Variants in UBE2Q2 observed in about 807,000 individuals in gnomAD.
UBE2Q2 encodes ubiquitin conjugating enzyme E2 Q2, also known as ubiquitin-conjugating enzyme E2 Q2.
A neutral mutation model predicts 59.9 loss-of-function variants in UBE2Q2; 54 were observed. The ratio of observed to expected loss-of-function variants is 0.90; its 90% CI spans 0.72 to 1.13. The LOEUF (loss-of-function observed/expected upper bound fraction) is 1.13. UBE2Q2 is among the 50% of genes most tolerant of loss of function. The probability of loss-of-function intolerance (pLI) is 0.00; values close to 1 mark genes in which losing one functional copy is unlikely to be tolerated. For missense variants in UBE2Q2, 433 were observed against 441.9 expected, an observed-to-expected ratio of 0.98 and a Z score of 0.18; for synonymous variants, 165 against 155.2, an observed-to-expected ratio of 1.06 and a Z score of -0.47.
chr15:75,859,804 A>C (rs1897117034), intron 2 of UBE2Q2, 74 bp from the exon 3 acceptor site: 2 of 1,023,804 alleles, frequency 2.0e-6, no homozygotes, highest in Non-Finnish European at 2.8e-6. Flanking sequence ...GATTGATTAC[A>C]GTAGTCATAA....
intron 1 of UBE2Q2, among the ~76,000 whole-genome samples, chr15:75,850,290 C>T (rs940399350): frequency 5.3e-5 from 8 of 152,168 alleles, no homozygotes; most frequent in Admixed American, 5.2e-4. Context: ...TGTATCTTTC[C>T]AGTTATCTGC....
At chr15:75,878,054 G>C in intron 7 of UBE2Q2, 33 bp downstream of exon 7, 2 of 1,589,440 alleles carry the variant, frequency 1.3e-6, no homozygotes, top group Non-Finnish European at 1.7e-6. Context: ...CCCACTCTTT[G>C]CAATGGTAGA....
chr15:75,894,470 A>G (rs1035827692), intron 11 of UBE2Q2, among the ~76,000 whole-genome samples: 9 of 151,884 alleles, frequency 5.9e-5, no homozygotes, highest in Non-Finnish European at 8.8e-5. Flanking sequence ...TGTAGTCCCA[A>G]CTACTCAGGA....
chr15:75,865,865 A>G (rs1324086527), intron 3 of UBE2Q2, among the ~76,000 whole-genome samples: 1 of 151,630 alleles, frequency 6.6e-6, no homozygotes, highest in African/African-American at 2.4e-5. Flanking sequence ...TGTCCCTTGA[A>G]TACTTGCTGT....
In UBE2Q2 at chr15:75,868,983, A is replaced by G; in HGVS notation, c.420A>G (p.Glu140=). The part of the protein sequence containing the change: ...NGTTEEVTSE[E]EEEEEEMAED... ...CAACAGAAGAAGTGACTTCAGAAGA[A>G]GAGGAAGAAGAAGAAGAGATGGCTG... Residue 140 remains glutamate (E), a synonymous_variant, in exon 4 of 13, where the codon GAA becomes GAG. Coordinates refer to ENST00000267938, the MANE Select transcript of UBE2Q2 (RefSeq NM_173469.4). 1 of 1,612,884 alleles carries G rather than the reference A, an allele frequency of 6.2e-7. No individual in the cohort carries two copies. The highest frequency in any genetic ancestry group is 8.5e-7 in the Non-Finnish European group (1 of 1,179,206).
At chr15:75,887,515 G>C (rs375482664) in intron 9 of UBE2Q2, among the ~76,000 whole-genome samples, 1 of 151,964 alleles carries the variant, frequency 6.6e-6, no homozygotes, top group African/African-American at 2.4e-5. Context: ...TTAGGAAATA[G>C]TGCTGATGTA....
chr15:75,874,807 C>T (rs1324540511), intron 5 of UBE2Q2, among the ~76,000 whole-genome samples: 1 of 152,116 alleles, frequency 6.6e-6, no homozygotes, highest in African/African-American at 2.4e-5. Flanking sequence ...ACACTTACTA[C>T]TTTTTGCCTT....
intron 1 of UBE2Q2, among the ~76,000 whole-genome samples, chr15:75,853,067 A>G (rs1182574677): frequency 6.6e-6 from 1 of 152,202 alleles, no homozygotes; most frequent in Non-Finnish European, 1.5e-5. Context: ...CTTTTCCCCA[A>G]TTTATAATAG....
rs1180775091 is a variant in UBE2Q2, at chr15:75,854,446, T to G, written c.241T>G (p.Ser81Ala). 3 of 1,613,484 alleles carry G rather than the reference T, an allele frequency of 1.9e-6. No individual in the cohort carries two copies. The highest frequency in any genetic ancestry group is 2.7e-5 in the African/African-American group (2 of 74,906). The change falls in exon 2 of 13, where the codon TCA becomes GCA. Residue 81 changes from serine (S) to alanine (A), a missense_variant. By Grantham distance (99) the Ser-to-Ala change is moderately conservative (BLOSUM62 1). Coordinates refer to ENST00000267938, the MANE Select transcript of UBE2Q2 (RefSeq NM_173469.4). ...FVDSEDPNLT[S>A]VLERLEDTKN... ...GGATTCTGAAGACCCAAATCTGACA[T>G]CAGTTCTGGAACGTCTAGAAGATAC...
chr15:75,850,543 A>C (rs375235245), intron 1 of UBE2Q2, among the ~76,000 whole-genome samples: 5 of 152,352 alleles, frequency 3.3e-5, no homozygotes, highest in African/African-American at 4.8e-5. Context: ...CCCACCTGAC[A>C]GCTAATCACT....
chr15:75,883,317 C>A, intron 8 of UBE2Q2, 49 bp from the exon 9 acceptor site: 1 of 1,479,360 alleles, frequency 6.8e-7, no homozygotes, highest in Non-Finnish European at 9.4e-7. Context: ...AATAGTATAA[C>A]ACTAAGGATG....
chr15:75,850,371 T>G (rs1041165697), intron 1 of UBE2Q2, among the ~76,000 whole-genome samples: 1 of 152,216 alleles, frequency 6.6e-6, no homozygotes, highest in African/African-American at 2.4e-5. Flanking sequence ...GTAATCTGCT[T>G]TTTCACTCAA....
At chr15:75,886,483 G>A (rs540030783) in intron 9 of UBE2Q2, among the ~76,000 whole-genome samples, 1 of 152,220 alleles carries the variant, frequency 6.6e-6, no homozygotes, top group South Asian at 2.1e-4. Flanking sequence ...ATTCCCATAA[G>A]CATGGGAAAA....
chr15:75,887,050 T>C (rs1206717193), intron 9 of UBE2Q2, among the ~76,000 whole-genome samples: 1 of 152,160 alleles, frequency 6.6e-6, no homozygotes, highest in East Asian at 1.9e-4. Flanking sequence ...ACGTAGTTTC[T>C]TAATTGATTC....
intron 3 of UBE2Q2, among the ~76,000 whole-genome samples, chr15:75,865,751 A>G (rs1187965188): frequency 1.3e-5 from 2 of 149,328 alleles, no homozygotes; most frequent in Non-Finnish European, 3.0e-5. Context: ...TGCTCCTTGT[A>G]TTATGTGTCC....
At chr15:75,871,757 T>C (rs1262352630) in intron 4 of UBE2Q2, among the ~76,000 whole-genome samples, 1 of 151,918 alleles carries the variant, frequency 6.6e-6, no homozygotes, top group East Asian at 1.9e-4. Context: ...CAAAATGGAG[T>C]CTCCTATGTC....
Position 75,845,026 on chromosome 15 carries a change from C to T in UBE2Q2, c.180+1180C>T, listed in dbSNP as rs77501754. 9.8e-3 allele frequency among the ~76,000 whole-genome samples: 1,492 copies of T among 151,988 alleles called. 23 individuals are homozygous for T. Among genetic ancestry groups the T allele is most frequent in the African/African-American group, 0.032 (1,336 of 41,432 alleles). The stretch of plus-strand genomic sequence containing the variant: ...TAATTCATTTATTGAATGAATACGT[C>T]TGAGTGTTCTGGGCACTAGTGTTGC... On this transcript the variant is annotated intron_variant, in intron 1 of 12. Transcript: ENST00000267938.
chr15:75,856,285 A>G (rs1374979714), intron 2 of UBE2Q2, among the ~76,000 whole-genome samples: 1,749 of 141,670 alleles, frequency 0.012, 41 homozygotes, highest in African/African-American at 0.043. Context: ...ATATATATAT[A>G]TATATATAAT....
chr15:75,894,753 G>A (rs2141676788), intron 11 of UBE2Q2, among the ~76,000 whole-genome samples: 1 of 152,114 alleles, frequency 6.6e-6, no homozygotes, highest in East Asian at 1.9e-4. Flanking sequence ...ATTGAGACTG[G>A]GGAAGGCCAA....
Sources: gnomAD v4.1 joint callset for allele counts (sites outside exome capture counted in the v4.1 genomes callset) on GRCh38, gnomAD v4.1.1 for gene constraint, MANE v1.5 for transcripts, NCBI Gene and HGNC (gene_info 2026-07-23, HGNC 2026-07-21) for gene names.